The following NRXN1 variants were observed in gnomAD, a reference collection of about 807,000 sequenced individuals.
The protein encoded by NRXN1 is neurexin 1, also known as neurexin-1.
NRXN1 carries 39 observed loss-of-function variants against 150.9 expected under a neutral mutation model. The observed-to-expected ratio is 0.26, with a 90% CI of 0.20 to 0.34. NRXN1 has a LOEUF of 0.34. NRXN1 is among the 10% of genes least tolerant of loss of function. The pLI, the probability that NRXN1 is intolerant of heterozygous loss-of-function variation, is 1.00. For missense variants in NRXN1, 1,815 were observed against 1,949.9 expected, an observed-to-expected ratio of 0.93 and a Z score of 1.30; for synonymous variants, 924 against 757.0, an observed-to-expected ratio of 1.22 and a Z score of -3.62.
At chr2:50,929,450 T>A (rs1351200411) in intron 2 of NRXN1, among the ~76,000 whole-genome samples, 1 of 152,078 alleles carries the variant, frequency 6.6e-6, no homozygotes, top group Non-Finnish European at 1.5e-5. Flanking sequence ...CTTCCTGATA[T>A]CACTTGGGCA....
At chr2:51,003,472 A>T (rs903383040) in intron 2 of NRXN1, among the ~76,000 whole-genome samples, 2 of 151,986 alleles carry the variant, frequency 1.3e-5, no homozygotes, top group African/African-American at 4.8e-5. Context: ...CCTTTCCAAA[A>T]ATTAATATCA....
chr2:50,880,133 T>C lies in NRXN1; in HGVS notation c.832+41736A>G, dbSNP rs115271349. The stretch of plus-strand genomic sequence containing the variant: ...AAACATTTGCTTTGAAGATACATAA[T>C]ATCCAATAAGCAAAGAAGCTGGGTT... On this transcript the variant is annotated intron_variant, in intron 5 of 22. Transcript: ENST00000401669. 3.2e-3 allele frequency among the ~76,000 whole-genome samples: 487 copies of C among 151,988 alleles called. 2 individuals are homozygous for C. The highest frequency in any genetic ancestry group is 0.014 in the Middle Eastern group (4 of 294).
intron 15 of NRXN1, among the ~76,000 whole-genome samples, chr2:50,490,142 T>G (rs2091164488): frequency 6.6e-6 from 1 of 152,176 alleles, no homozygotes; most frequent in African/African-American, 2.4e-5. Flanking sequence ...CTCAGAAACT[T>G]ATTGTCTTTG....
intron 5 of NRXN1, among the ~76,000 whole-genome samples, chr2:50,669,369 C>G (rs1688521206): frequency 1.3e-5 from 2 of 151,752 alleles, no homozygotes; most frequent in African/African-American, 4.8e-5. Flanking sequence ...ATAATTTTTC[C>G]TGAAATACTC....
intron 5 of NRXN1, among the ~76,000 whole-genome samples, chr2:50,887,210 C>T (rs534733682): frequency 6.6e-6 from 1 of 151,462 alleles, no homozygotes; most frequent in East Asian, 1.9e-4. Context: ...AAATAAAGTT[C>T]TGATGTTGAA....
chr2:50,908,759 T>C (rs1204048093), intron 5 of NRXN1, among the ~76,000 whole-genome samples: 2 of 151,996 alleles, frequency 1.3e-5, no homozygotes, highest in Non-Finnish European at 2.9e-5. Context: ...CTTTAGGAGG[T>C]AATTAGGATT....
At chr2:50,770,569 T>C (rs1648890567) in intron 5 of NRXN1, among the ~76,000 whole-genome samples, 2 of 152,102 alleles carry the variant, frequency 1.3e-5, no homozygotes, top group African/African-American at 2.4e-5. Flanking sequence ...AGATCATTTA[T>C]CATAATTTGC....
At chr2:50,890,163 A>G (rs1680837275) in intron 5 of NRXN1, among the ~76,000 whole-genome samples, 2 of 151,790 alleles carry the variant, frequency 1.3e-5, no homozygotes. Flanking sequence ...ATCATGCATC[A>G]CCTACTTCCA....
chr2:50,599,031 C>G (rs180778672), intron 8 of NRXN1, among the ~76,000 whole-genome samples: 75 of 152,184 alleles, frequency 4.9e-4, no homozygotes, highest in Admixed American at 4.8e-3. Flanking sequence ...CTCAGCCTCC[C>G]AAAGTGCTAG....
Position 50,736,979 on chromosome 2 carries a change from C to G in NRXN1, c.833-113364G>C, listed in dbSNP as rs531589722. 1.7e-3 allele frequency among the ~76,000 whole-genome samples: 257 copies of G among 152,118 alleles called. 1 individual carries two copies. Among genetic ancestry groups the G allele is most frequent in the African/African-American group, 6.0e-3 (251 of 41,496 alleles). Reference sequence around the variant, plus strand: ...TGAATTAAGAATGATAAAAGTCAACCAGGCATGGTGGTGCATGCCTGTAAT... The same window carrying G: ...TGAATTAAGAATGATAAAAGTCAACGAGGCATGGTGGTGCATGCCTGTAAT... On this transcript the variant is annotated intron_variant, in intron 5 of 22. Coordinates refer to ENST00000401669, the MANE Select transcript of NRXN1 (RefSeq NM_001330078.2).
chr2:50,326,164 C>T (rs1055672150), intron 17 of NRXN1, among the ~76,000 whole-genome samples: 9 of 151,758 alleles, frequency 5.9e-5, no homozygotes, highest in Admixed American at 1.3e-4. Context: ...AAATATTTTA[C>T]GTTTGTAGTC....
At chr2:50,709,162 G>A (rs1483690213) in intron 5 of NRXN1, among the ~76,000 whole-genome samples, 1 of 152,116 alleles carries the variant, frequency 6.6e-6, no homozygotes, top group Admixed American at 6.5e-5. Context: ...GAGCTTACTT[G>A]TTGAGGAATG....
At chr2:50,354,941 T>C (rs567372087) in intron 17 of NRXN1, among the ~76,000 whole-genome samples, 37 of 151,938 alleles carry the variant, frequency 2.4e-4, no homozygotes, top group African/African-American at 7.5e-4. Context: ...CAACTAGAAG[T>C]GGAAGGACAA....
intron 17 of NRXN1, among the ~76,000 whole-genome samples, chr2:50,293,129 T>G (rs1175199025): frequency 6.6e-6 from 1 of 152,172 alleles, no homozygotes; most frequent in South Asian, 2.1e-4. Flanking sequence ...GGAATCTGCA[T>G]GATTTTATCT....
At chr2:50,312,334 T>C (rs2075251129) in intron 17 of NRXN1, among the ~76,000 whole-genome samples, 1 of 152,006 alleles carries the variant, frequency 6.6e-6, no homozygotes, top group East Asian at 1.9e-4. Context: ...ACAGTCATAG[T>C]ATGCAGGGGT....
intron 19 of NRXN1, among the ~76,000 whole-genome samples, chr2:50,072,811 A>C (rs1696499716): frequency 6.6e-6 from 1 of 152,194 alleles, no homozygotes; most frequent in Non-Finnish European, 1.5e-5. Flanking sequence ...GCCTAGGCAC[A>C]GTGAAGGCCC....
At chr2:50,275,525 T>C (rs1002677008) in intron 17 of NRXN1, among the ~76,000 whole-genome samples, 20 of 152,202 alleles carry the variant, frequency 1.3e-4, no homozygotes, top group African/African-American at 4.8e-4. Context: ...TATTCATGGG[T>C]AGTTGTCTTC....
intron 5 of NRXN1, among the ~76,000 whole-genome samples, chr2:50,756,095 C>T (rs1701130813): frequency 6.6e-6 from 1 of 151,764 alleles, no homozygotes; most frequent in Non-Finnish European, 1.5e-5. Context: ...GGATTATCCA[C>T]ATACAATCCT....
At chr2:50,611,944 G>A (rs1425593340) in intron 8 of NRXN1, among the ~76,000 whole-genome samples, 1 of 152,110 alleles carries the variant, frequency 6.6e-6, no homozygotes, top group Non-Finnish European at 1.5e-5. Context: ...TGACATCCCA[G>A]CAATCTAGGC....
Sources: allele counts gnomAD v4.1 joint callset (sites outside exome capture counted in the v4.1 genomes callset), GRCh38; gene constraint gnomAD v4.1.1; transcripts MANE v1.5; gene names NCBI Gene and HGNC (gene_info 2026-07-23, HGNC 2026-07-21).